Variants in KDM4C observed in about 807,000 individuals in gnomAD.
KDM4C encodes lysine-specific demethylase 4C.
KDM4C carries 81 observed loss-of-function variants against 129.3 expected under a neutral mutation model. That is an observed-to-expected ratio of 0.63 (90% CI 0.52 to 0.75). The LOEUF is 0.75. Among genes scored for constraint, KDM4C ranks in the 30% least tolerant of loss-of-function variants. The pLI is 0.00. For synonymous variants in KDM4C, 573 were observed against 456.1 expected, an observed-to-expected ratio of 1.26 and a Z score of -3.26; for missense variants, 1,457 against 1,304.0, an observed-to-expected ratio of 1.12 and a Z score of -1.81.
intron 15 of KDM4C, among the ~76,000 whole-genome samples, chr9:7,034,499 G>A (rs181066683): frequency 1.3e-5 from 2 of 152,154 alleles, no homozygotes; most frequent in African/African-American, 2.4e-5. Flanking sequence ...ATGTCCTCCA[G>A]TTCCTTCCAT....
At chr9:7,142,374 A>G (rs2129905985) in intron 19 of KDM4C, among the ~76,000 whole-genome samples, 1 of 152,312 alleles carries the variant, frequency 6.6e-6, no homozygotes, top group African/African-American at 2.4e-5. Context: ...TTGGCCTCCC[A>G]AAATGCTGGG....
At chr9:6,810,080 T>C (rs1830864001) in intron 3 of KDM4C, among the ~76,000 whole-genome samples, 1 of 152,232 alleles carries the variant, frequency 6.6e-6, no homozygotes, top group Non-Finnish European at 1.5e-5. Context: ...ATTCAAAATA[T>C]TATTAAGACT....
At chr9:6,981,227 T>C in intron 9 of KDM4C, 109 bp downstream of exon 9, 1 of 771,506 alleles carries the variant, frequency 1.3e-6, no homozygotes, top group Non-Finnish European at 2.0e-6. Flanking sequence ...TCATCATAAC[T>C]TAATACCTTT....
At chr9:6,930,406 T>A (rs189206939) in intron 8 of KDM4C, among the ~76,000 whole-genome samples, 26 of 151,938 alleles carry the variant, frequency 1.7e-4, no homozygotes, top group African/African-American at 6.0e-4. Context: ...ATGTGGAAAA[T>A]AAAGCACGCG....
chr9:6,980,119 C>T (rs2131803377), intron 8 of KDM4C, among the ~76,000 whole-genome samples: 1 of 152,290 alleles, frequency 6.6e-6, no homozygotes, highest in Non-Finnish European at 1.5e-5. Context: ...TTGTCAAGGT[C>T]TATCAGTTAA....
intron 10 of KDM4C, 127 bp from the exon 11 acceptor site, chr9:6,986,217 A>C: frequency 1.6e-6 from 1 of 636,632 alleles, no homozygotes; most frequent in Non-Finnish European, 2.7e-6. Context: ...GTGTGTGTGC[A>C]TGTATGTGCA....
Position 7,013,967 on chromosome 9 carries a change from T to G in KDM4C, c.2148T>G (p.Ile716Met), listed in dbSNP as rs1352090706. The G allele has an allele frequency of 1.9e-6, 3 of 1,613,970 alleles. No homozygotes were observed. The highest frequency in any genetic ancestry group is 2.5e-6 in the Non-Finnish European group (3 of 1,179,874). ...FLEEDGTSLL[I>M]SCAKCCVRVH... ...AAGAGGATGGAACAAGTCTCCTTAT[T>G]TCCTGTGCAAAGTGCTGCGTACGGG... is the stretch of plus-strand genomic sequence containing the variant. The change falls in exon 14 of 22, where the codon ATT (isoleucine) becomes ATG (methionine). Residue 716 changes from isoleucine to methionine, a missense_variant. Physicochemically the swap from Ile to Met is conservative, Grantham distance 10. Coordinates refer to ENST00000381309, the MANE Select transcript of KDM4C (RefSeq NM_015061.6).
intron 8 of KDM4C, among the ~76,000 whole-genome samples, chr9:6,957,206 C>T (rs1829219539): frequency 1.3e-5 from 2 of 152,206 alleles, no homozygotes; most frequent in South Asian, 4.1e-4. Flanking sequence ...CTCCCTGGCA[C>T]ACAGCTGCTT....
chr9:6,945,912 C>A (rs547752272), intron 8 of KDM4C, among the ~76,000 whole-genome samples: 55 of 152,216 alleles, frequency 3.6e-4, no homozygotes, highest in African/African-American at 1.3e-3. Flanking sequence ...TTGGAACTCA[C>A]AGATTTTATG....
intron 2 of KDM4C, among the ~76,000 whole-genome samples, chr9:6,802,118 A>T (rs1329692062): frequency 6.6e-6 from 1 of 152,104 alleles, no homozygotes; most frequent in Non-Finnish European, 1.5e-5. Flanking sequence ...AAAAAAAAAA[A>T]AAGTATCAGT....
intron 3 of KDM4C, among the ~76,000 whole-genome samples, chr9:6,807,213 G>A (rs1830157667): frequency 6.6e-6 from 1 of 152,208 alleles, no homozygotes; most frequent in African/African-American, 2.4e-5. Context: ...AGGCTGGAGT[G>A]CAGTGGCGTG....
At chr9:6,995,821 G>A (rs1027846215) in intron 12 of KDM4C, among the ~76,000 whole-genome samples, 4 of 152,000 alleles carry the variant, frequency 2.6e-5, no homozygotes, top group South Asian at 2.1e-4. Flanking sequence ...ACAGGCGCCT[G>A]CCACCACGCC....
chr9:7,008,461 C>G (rs778542731), intron 12 of KDM4C, among the ~76,000 whole-genome samples: 6 of 152,224 alleles, frequency 3.9e-5, no homozygotes, highest in Admixed American at 6.5e-5. Context: ...GCCAAGACAA[C>G]CCCCACAGAC....
chr9:6,849,988 C>A (rs1321227093), intron 5 of KDM4C, among the ~76,000 whole-genome samples: 1 of 152,110 alleles, frequency 6.6e-6, no homozygotes, highest in African/African-American at 2.4e-5. Context: ...TTGAAAAATT[C>A]TTTTTCCATG....
intron 18 of KDM4C, among the ~76,000 whole-genome samples, chr9:7,113,231 T>C (rs191092205): frequency 2.8e-4 from 42 of 152,318 alleles, no homozygotes; most frequent in African/African-American, 9.6e-4. Flanking sequence ...TCCCTCACCT[T>C]TCTATCAATA....
chr9:7,047,105 G>A (rs1417610024), intron 16 of KDM4C, among the ~76,000 whole-genome samples, 188 bp downstream of exon 16: 2 of 151,976 alleles, frequency 1.3e-5, no homozygotes, highest in South Asian at 4.1e-4. Flanking sequence ...CAGGGCAAGA[G>A]CAGTCCAAGT....
intron 1 of KDM4C, among the ~76,000 whole-genome samples, chr9:6,780,179 T>G (rs1010117248): frequency 2.0e-5 from 3 of 152,082 alleles, no homozygotes; most frequent in African/African-American, 4.8e-5. Flanking sequence ...CAACAGTATT[T>G]CCCATCCAGT....
chr9:7,044,796 G>T (rs551464017), intron 15 of KDM4C, among the ~76,000 whole-genome samples: 20 of 152,096 alleles, frequency 1.3e-4, no homozygotes, highest in Admixed American at 5.9e-4. Flanking sequence ...CAGCAGGCAT[G>T]TGTGGAGAGA....
intron 5 of KDM4C, among the ~76,000 whole-genome samples, chr9:6,871,599 A>G (rs1036858535): frequency 2.0e-5 from 3 of 152,234 alleles, no homozygotes; most frequent in Non-Finnish European, 2.9e-5. Context: ...ATTAATTTTA[A>G]CAAACCAGTA....
Sources: allele counts gnomAD v4.1 joint callset (sites outside exome capture counted in the v4.1 genomes callset), GRCh38; gene constraint gnomAD v4.1.1; transcripts MANE v1.5; gene names NCBI Gene and HGNC (gene_info 2026-07-23, HGNC 2026-07-21).